SEM1: variants seen among roughly 807,000 people sequenced by gnomAD.
SEM1 encodes the protein SEM1 26S proteasome subunit.
A neutral mutation model predicts 12.7 loss-of-function variants in SEM1; 3 were observed. The ratio of observed to expected loss-of-function variants is 0.24; its 90% CI spans 0.11 to 0.61. The LOEUF (loss-of-function observed/expected upper bound fraction) is 0.61. Among genes scored for constraint, SEM1 ranks in the 20% least tolerant of loss-of-function variants. The probability of loss-of-function intolerance (pLI) is 0.88; values close to 1 mark genes in which losing one functional copy is unlikely to be tolerated. For missense variants in SEM1, 59 were observed against 81.3 expected, an observed-to-expected ratio of 0.73 and a Z score of 1.06; for synonymous variants, 30 against 27.8, an observed-to-expected ratio of 1.08 and a Z score of -0.25.
chr7:96,566,258 T>C (rs1435710111), intron 2 of SEM1, among the ~76,000 whole-genome samples: 1 of 151,714 alleles, frequency 6.6e-6, no homozygotes, highest in Non-Finnish European at 1.5e-5. Flanking sequence ...ACATCTGAGA[T>C]TATTCACCCT....
chr7:96,614,672 T>C (rs1333098081), intron 2 of SEM1, among the ~76,000 whole-genome samples: 1 of 152,206 alleles, frequency 6.6e-6, no homozygotes, highest in African/African-American at 2.4e-5. Flanking sequence ...TCTCTCACCA[T>C]GGTGTGAAAA....
intron 2 of SEM1, among the ~76,000 whole-genome samples, chr7:96,548,018 A>T (rs990413411): frequency 5.3e-5 from 8 of 152,138 alleles, no homozygotes; most frequent in African/African-American, 1.9e-4. Flanking sequence ...GCAAAAAATA[A>T]AAAAAGGATT....
At chr7:96,497,668 G>A (rs1040177053), upstream of SEM1, among the ~76,000 whole-genome samples, 7 of 152,116 alleles carry the variant, frequency 4.6e-5, no homozygotes, top group Non-Finnish European at 1.0e-4. Context: ...CCCACCCTGA[G>A]CAACTGGAAA....
chr7:96,648,623 T>C (rs999849249), intron 2 of SEM1, among the ~76,000 whole-genome samples: 2 of 152,164 alleles, frequency 1.3e-5, no homozygotes, highest in African/African-American at 4.8e-5. Context: ...GAGAATACTG[T>C]AGTCAAGAGA....
intron 2 of SEM1, among the ~76,000 whole-genome samples, chr7:96,679,291 A>G (rs1318484253): frequency 6.6e-6 from 1 of 152,250 alleles, no homozygotes; most frequent in Middle Eastern, 3.4e-3. Flanking sequence ...CCATTCCACT[A>G]CTTTGAAATA....
intron 2 of SEM1, among the ~76,000 whole-genome samples, chr7:96,679,356 A>G (rs1306514102): frequency 6.6e-6 from 1 of 152,144 alleles, no homozygotes; most frequent in Non-Finnish European, 1.5e-5. Context: ...GGATTTCTAT[A>G]CATAAAATAC....
intron 2 of SEM1, among the ~76,000 whole-genome samples, chr7:96,556,334 G>T (rs1006831790): frequency 2.6e-5 from 4 of 151,956 alleles, no homozygotes; most frequent in African/African-American, 9.7e-5. Context: ...GGTACCGGTT[G>T]TTCCTTTCCA....
chr7:96,592,892 G>A lies in SEM1; in HGVS notation c.171-86194C>T, dbSNP rs142844352. Among the ~76,000 whole-genome samples, 322 of 150,362 alleles carry A rather than the reference G, an allele frequency of 2.1e-3. 1 individual carries two copies. The highest frequency in any genetic ancestry group is 7.7e-3 in the African/African-American group (316 of 40,806). ...TGTTAGCTGGTAAAGAAGGAACGGA[G>A]AAAGTTTAGGACCAAAAGCAACCCT... is the stretch of plus-strand genomic sequence containing the variant. On this transcript the variant is annotated intron_variant and NMD_transcript_variant, in intron 2 of 3. Transcript: ENST00000466986.
intron 2 of SEM1, among the ~76,000 whole-genome samples, chr7:96,606,594 G>T (rs982712322): frequency 9.2e-5 from 14 of 152,200 alleles, no homozygotes; most frequent in African/African-American, 2.2e-4. Flanking sequence ...AGAAAAAAAA[G>T]TATTTATTTT....
intron 2 of SEM1, chr7:96,622,652 A>G (rs1341855466): frequency 1.3e-6 from 1 of 764,404 alleles, no homozygotes; most frequent in East Asian, 2.4e-5. Context: ...CCCTGGAAAA[A>G]TTAGAAAGTA....
rs560813767 is a variant in SEM1, at chr7:96,658,225, C to G, written c.171-35582G>C. On this transcript the variant is annotated intron_variant, in intron 2 of 2. Coordinates refer to the SEM1 transcript ENST00000417009. ...GCCAGGGTGGTGTTTTGCTAATATT[C>G]CTCTTGTACCTTTGAAGTGTAGTGC... Among the ~76,000 whole-genome samples, 33 of 152,206 alleles carry G rather than the reference C, an allele frequency of 2.2e-4. 1 individual carries two copies. The highest frequency in any genetic ancestry group is 7.7e-4 in the African/African-American group (32 of 41,520).
rs1223155200 is a variant in SEM1 at position 96,482,208 on chromosome 7, A to G, written c.*1651T>C. The G allele has an allele frequency of 2.0e-5, 3 of 152,296 alleles. No homozygotes were observed. The East Asian group carries it at 5.8e-4, about 29-fold the overall frequency. The allele number at this position is 152,296 out of a possible 1,614,324, so 9.4% of individuals were successfully genotyped here. On this transcript the variant is annotated 3_prime_UTR_variant, in exon 4 of 4. Transcript: ENST00000356686. The stretch of plus-strand genomic sequence containing the variant: ...TCTTTTAAGGATACAGGGAAGAGAT[A>G]CAGAGGCACACTTCCCTAGGACCTG...
chr7:96,624,733 C>T (rs1808003673), intron 2 of SEM1, among the ~76,000 whole-genome samples: 1 of 151,950 alleles, frequency 6.6e-6, no homozygotes, highest in Admixed American at 6.6e-5. Flanking sequence ...CAGGGGATTC[C>T]CAGTTTGTGC....
chr7:96,691,063 G>T (rs529364787), intron 2 of SEM1, among the ~76,000 whole-genome samples: 1 of 152,132 alleles, frequency 6.6e-6, no homozygotes, highest in African/African-American at 2.4e-5. Context: ...GAGCCACTGC[G>T]CCTGGCCTAT....
intron 2 of SEM1, among the ~76,000 whole-genome samples, chr7:96,693,836 GT>G (rs1747299247): frequency 6.7e-6 from 1 of 149,348 alleles, no homozygotes; most frequent in African/African-American, 2.5e-5. Context: ...TTGAAAACAG[GT>G]ACTCAAATAT....
Position 96,605,233 on chromosome 7 carries a change from T to C in SEM1, c.170+89565A>G, listed in dbSNP as rs182854915. 1.5e-3 allele frequency among the ~76,000 whole-genome samples: 229 copies of C among 152,312 alleles called. 1 individual carries two copies. The highest frequency in any genetic ancestry group is 2.3e-3 in the Non-Finnish European group (158 of 68,036). Reference sequence around the variant, plus strand: ...TCATCAGTTCCTTCAGTCATCCTAGTTGCTCTTCAGCCTTTGGCCCTACAT... The same window carrying C: ...TCATCAGTTCCTTCAGTCATCCTAGCTGCTCTTCAGCCTTTGGCCCTACAT... On this transcript the variant is annotated intron_variant and NMD_transcript_variant, in intron 2 of 3. Transcript: ENST00000466986.
chr7:96,484,148 A>C (rs28504029), intron 3 of SEM1, among the ~76,000 whole-genome samples: 38 of 152,250 alleles, frequency 2.5e-4, no homozygotes, highest in Admixed American at 1.6e-3. Flanking sequence ...TAAGTTCCCC[A>C]AAAAAAGATA....
chr7:96,706,594 A>AAAAAAAG (rs1563122448), intron 1 of SEM1, among the ~76,000 whole-genome samples: 57 of 123,510 alleles, frequency 4.6e-4, no homozygotes, highest in Non-Finnish European at 6.2e-4. Context: ...AAAAAAAAAA[A>AAAAAAAG]AGAGAGAGAG....
intron 3 of SEM1, among the ~76,000 whole-genome samples, chr7:96,505,757 A>G (rs1052427562): frequency 6.6e-6 from 1 of 152,098 alleles, no homozygotes; most frequent in African/African-American, 2.4e-5. Flanking sequence ...TTATAAGGGC[A>G]CTAATCCAAA....
Sources: allele counts gnomAD v4.1 joint callset (sites outside exome capture counted in the v4.1 genomes callset), GRCh38; gene constraint gnomAD v4.1.1; transcripts MANE v1.5; gene names NCBI Gene and HGNC (gene_info 2026-07-23, HGNC 2026-07-21).